WLS: variants seen among roughly 807,000 people sequenced by gnomAD.
WLS encodes protein wntless homolog.
WLS carries 23 observed loss-of-function variants against 62.8 expected under a neutral mutation model. That is an observed-to-expected ratio of 0.37 (90% CI 0.26 to 0.52). The LOEUF is 0.52. Ranked by LOEUF, WLS falls within the 20% of genes least tolerant of loss-of-function variation. The pLI, the probability that WLS is intolerant of heterozygous loss-of-function variation, is 0.92. For missense variants in WLS, 615 were observed against 697.3 expected (o/e 0.88, Z 1.33); for synonymous variants, 246 against 244.1 (o/e 1.01, Z -0.07).
At chr1:68,110,966 A>G (rs1033951268) in intron 11 of WLS, among the ~76,000 whole-genome samples, 3 of 152,178 alleles carry the variant, frequency 2.0e-5, no homozygotes, top group Non-Finnish European at 4.4e-5. Flanking sequence ...ATATTTTTAT[A>G]ATCTTGAAAT....
chr1:68,110,657 GTCTCTCTCTCTCTCTCTCTC>G (rs55965951), intron 11 of WLS, among the ~76,000 whole-genome samples: 3 of 113,970 alleles, frequency 2.6e-5, no homozygotes, highest in Non-Finnish European at 6.1e-5. Flanking sequence ...AAAAATCTCT[GTCTCTCTCTCTCTCTCTCTC>G]TCTCTCTCTC....
At position 68,191,340 on chromosome 1, in the gene WLS, G is replaced by C. The variant is rs559214796; in HGVS notation, c.379+2615C>G. ...ATCTCATCCTCCCATGGCTCTTCTT[G>C]TTGTCCTTATTCTCCTTTGCTTGAA... On this transcript the variant is annotated intron_variant, in intron 2 of 11. Transcript: ENST00000262348. 5.9e-5 allele frequency among the ~76,000 whole-genome samples: 9 copies of C among 152,026 alleles called. No homozygotes were observed. In the South Asian group the frequency reaches 1.7e-3, roughly 28 times the overall value.
chr1:68,127,601 T>G (rs947724298), intron 11 of WLS, among the ~76,000 whole-genome samples: 9 of 152,140 alleles, frequency 5.9e-5, no homozygotes, highest in Non-Finnish European at 1.2e-4. Flanking sequence ...TGTGCACACA[T>G]GTTTGTGGAG....
At chr1:68,230,865 GTCT>G in intron 1 of WLS, among the ~76,000 whole-genome samples, 1 of 152,290 alleles carries the variant, frequency 6.6e-6, no homozygotes, top group Admixed American at 6.5e-5. Flanking sequence ...TCAAACCCAA[GTCT>G]GGAGACAAAA....
chr1:68,117,038 G>T (rs1245277571), intron 11 of WLS, among the ~76,000 whole-genome samples: 3 of 151,996 alleles, frequency 2.0e-5, no homozygotes, highest in African/African-American at 7.3e-5. Context: ...AAAAAATCTT[G>T]GTTCCATTTC....
intron 1 of WLS, chr1:68,202,887 A>G (rs1011501313): frequency 6.6e-6 from 1 of 152,048 alleles, no homozygotes; most frequent in Non-Finnish European, 1.5e-5. Flanking sequence ...GGTAACAAAA[A>G]AGGGGACACC....
At chr1:68,218,931 T>C (rs1649839131) in intron 1 of WLS, among the ~76,000 whole-genome samples, 1 of 152,206 alleles carries the variant, frequency 6.6e-6, no homozygotes. Context: ...ATCTACAAAA[T>C]TCTTAGAAGG....
At chr1:68,213,079 C>T (rs977131923) in intron 1 of WLS, among the ~76,000 whole-genome samples, 2 of 152,166 alleles carry the variant, frequency 1.3e-5, no homozygotes, top group African/African-American at 2.4e-5. Context: ...AAAGCCCAAC[C>T]ATACTTGGCT....
chr1:68,226,526 A>T (rs977370203), intron 1 of WLS, among the ~76,000 whole-genome samples: 4 of 152,230 alleles, frequency 2.6e-5, no homozygotes, highest in Admixed American at 1.3e-4. Context: ...AGTTGATGGT[A>T]TAATTAGTAG....
At chr1:68,112,351 C>T (rs1363167989) in intron 11 of WLS, among the ~76,000 whole-genome samples, 1 of 152,202 alleles carries the variant, frequency 6.6e-6, no homozygotes, top group African/African-American at 2.4e-5. Context: ...AGGCTGTCTC[C>T]CCATGGTTGC....
intron 1 of WLS, among the ~76,000 whole-genome samples, chr1:68,227,743 G>T (rs186028652): frequency 2.4e-4 from 36 of 152,140 alleles, no homozygotes; most frequent in Admixed American, 1.8e-3. Context: ...AAAACCAATT[G>T]ATTAATCTTG....
chr1:68,200,341 A>G (rs1648933656), intron 1 of WLS, among the ~76,000 whole-genome samples: 1 of 152,148 alleles, frequency 6.6e-6, no homozygotes, highest in South Asian at 2.1e-4. Flanking sequence ...TAAAAATGTG[A>G]ATATTTATTT....
chr1:68,217,833 C>T (rs571001764), intron 1 of WLS, among the ~76,000 whole-genome samples: 415 of 152,218 alleles, frequency 2.7e-3, no homozygotes, highest in Non-Finnish European at 3.9e-3. Context: ...TCTGGTTCCC[C>T]CACCGCCCCC....
At chr1:68,115,684 A>G (rs1027121999) in intron 11 of WLS, among the ~76,000 whole-genome samples, 1 of 151,716 alleles carries the variant, frequency 6.6e-6, no homozygotes, top group Admixed American at 6.6e-5. Flanking sequence ...ATTTGTTATG[A>G]GGGGGGAATA....
intron 11 of WLS, among the ~76,000 whole-genome samples, chr1:68,110,419 T>A (rs1646209324): frequency 6.6e-6 from 1 of 151,616 alleles, no homozygotes; most frequent in African/African-American, 2.4e-5. Context: ...AGTCTAAAAT[T>A]TTTCTGCAAA....
chr1:68,144,510 G>A (rs1453921449), intron 10 of WLS, 59 bp downstream of exon 10: 2 of 1,502,928 alleles, frequency 1.3e-6, no homozygotes, highest in African/African-American at 2.8e-5. Flanking sequence ...GAATTTCTGT[G>A]CAGGGTAGAG....
At chr1:68,185,245 C>T (rs930039591) in intron 2 of WLS, among the ~76,000 whole-genome samples, 13 of 152,324 alleles carry the variant, frequency 8.5e-5, no homozygotes, top group South Asian at 8.3e-4. Flanking sequence ...TATAAATACG[C>T]GTTCCCATGA....
intron 2 of WLS, among the ~76,000 whole-genome samples, chr1:68,168,286 C>T (rs1311300785): frequency 1.3e-5 from 2 of 152,206 alleles, no homozygotes; most frequent in Non-Finnish European, 2.9e-5. Context: ...CTAAGCTCTA[C>T]ACCTTCTATA....
At chr1:68,162,284 C>G in intron 2 of WLS, 1 of 1,602,114 alleles carries the variant, frequency 6.2e-7, no homozygotes, top group Non-Finnish European at 8.6e-7. Flanking sequence ...CCACGGGGTG[C>G]GTTCACAAGG....
Sources: allele counts gnomAD v4.1 joint callset (sites outside exome capture counted in the v4.1 genomes callset), GRCh38; gene constraint gnomAD v4.1.1; transcripts MANE v1.5; gene names NCBI Gene and HGNC (gene_info 2026-07-23, HGNC 2026-07-21).